Variants in TAF5L observed in about 807,000 individuals in gnomAD.
TAF5L encodes the protein TATA-box binding protein associated factor 5 like, also known as TAF5-like RNA polymerase II p300/CBP-associated factor-associated factor 65 kDa subunit 5L.
A neutral mutation model predicts 51.3 loss-of-function variants in TAF5L; 7 were observed. The observed-to-expected ratio is 0.14, with a 90% CI of 0.08 to 0.26. The LOEUF (loss-of-function observed/expected upper bound fraction) is 0.26, where lower values mean the gene tolerates loss of function less well. Ranked by LOEUF, TAF5L falls within the 10% of genes least tolerant of loss-of-function variation. The pLI is 1.00. For missense variants in TAF5L, 575 were observed against 758.9 expected, an observed-to-expected ratio of 0.76 and a Z score of 2.85; for synonymous variants, 291 against 308.1, an observed-to-expected ratio of 0.94 and a Z score of 0.58.
intron 3 of TAF5L, among the ~76,000 whole-genome samples, chr1:229,605,110 A>ATGTGTATG (rs1553270425): frequency 1.6e-5 from 1 of 62,808 alleles, no homozygotes; most frequent in African/African-American, 4.0e-5. Flanking sequence ...TTTTGTATGT[A>ATGTGTATG]TATATATATA....
At chr1:229,620,301 C>T (rs1317852372) in intron 1 of TAF5L, among the ~76,000 whole-genome samples, 1 of 152,198 alleles carries the variant, frequency 6.6e-6, no homozygotes, top group Non-Finnish European at 1.5e-5. Flanking sequence ...GCTCATGATC[C>T]TCCCAGCTCA....
intron 3 of TAF5L, among the ~76,000 whole-genome samples, chr1:229,604,346 A>G (rs570060898): frequency 2.0e-5 from 3 of 152,176 alleles, no homozygotes; most frequent in Non-Finnish European, 4.4e-5. Context: ...AATATTCATA[A>G]TATGCATTTT....
intron 2 of TAF5L, chr1:229,614,106 T>C: frequency 4.4e-6 from 3 of 677,900 alleles, no homozygotes; most frequent in Non-Finnish European, 7.7e-6. Flanking sequence ...AGGAAGGAAA[T>C]GACTTTAGCC....
intron 2 of TAF5L, among the ~76,000 whole-genome samples, chr1:229,612,467 G>A (rs1664822589): frequency 6.6e-6 from 1 of 152,212 alleles, no homozygotes; most frequent in African/African-American, 2.4e-5. Context: ...CAGAGGCCTT[G>A]TAAATGGACT....
intron 3 of TAF5L, chr1:229,607,028 C>T (rs1159247149): frequency 1.0e-6 from 1 of 985,400 alleles, no homozygotes; most frequent in African/African-American, 1.7e-5. Flanking sequence ...AAGTCTTTAT[C>T]TTTCTCCTAA....
intron 1 of TAF5L, among the ~76,000 whole-genome samples, chr1:229,621,624 C>T (rs1480597648): frequency 6.6e-6 from 1 of 152,102 alleles, no homozygotes; most frequent in Non-Finnish European, 1.5e-5. Flanking sequence ...TAAGCCCAAA[C>T]CTATGACTAC....
At chr1:229,607,505 C>T (rs1317404253) in intron 3 of TAF5L, 3 of 981,786 alleles carry the variant, frequency 3.1e-6, no homozygotes, top group African/African-American at 3.5e-5. Context: ...ACTCCTCTTC[C>T]TCCTCCTCTT....
chr1:229,607,551 T>C, intron 3 of TAF5L: 1 of 911,552 alleles, frequency 1.1e-6, no homozygotes, highest in South Asian at 5.0e-5. Context: ...CTTCAAGTGC[T>C]GACTTAAAGC....
At chr1:229,618,362 C>G (rs1306604687) in intron 1 of TAF5L, among the ~76,000 whole-genome samples, 1 of 152,182 alleles carries the variant, frequency 6.6e-6, no homozygotes, top group African/African-American at 2.4e-5. Context: ...GTCAAATACT[C>G]TGCTCTTCAT....
intron 3 of TAF5L, among the ~76,000 whole-genome samples, chr1:229,603,940 G>A (rs1664486651): frequency 6.6e-6 from 1 of 152,230 alleles, no homozygotes; most frequent in African/African-American, 2.4e-5. Flanking sequence ...GTGCTGTCCA[G>A]ATGCCTGCTT....
At chr1:229,601,326 T>C (rs1449449059) in intron 4 of TAF5L, 1 of 985,274 alleles carries the variant, frequency 1.0e-6, no homozygotes, top group East Asian at 1.1e-4. Flanking sequence ...GTGTAAAGAA[T>C]TTTCCATCCA....
At chr1:229,610,339 C>T in intron 2 of TAF5L, 129 bp from the exon 3 acceptor site, 1 of 794,174 alleles carries the variant, frequency 1.3e-6, no homozygotes, top group Non-Finnish European at 2.1e-6. Context: ...AGCAGGTTTC[C>T]AAAGCATGCT....
At chr1:229,609,237 G>A (rs557658561) in intron 3 of TAF5L, among the ~76,000 whole-genome samples, 29 of 152,270 alleles carry the variant, frequency 1.9e-4, no homozygotes, top group African/African-American at 7.0e-4. Context: ...ACAGTGAGAT[G>A]GCTCTTGTCA....
intron 1 of TAF5L, among the ~76,000 whole-genome samples, chr1:229,617,094 T>A (rs1012648049): frequency 4.6e-5 from 7 of 152,188 alleles, no homozygotes; most frequent in Non-Finnish European, 1.0e-4. Flanking sequence ...GCTGTTTTTT[T>A]AAATTGCTAA....
At chr1:229,613,074 T>C (rs973574774) in intron 2 of TAF5L, among the ~76,000 whole-genome samples, 41 of 151,804 alleles carry the variant, frequency 2.7e-4, no homozygotes, top group Non-Finnish European at 3.5e-4. Context: ...TCCCAGCACT[T>C]TGGGAGGCCA....
In TAF5L at chr1:229,594,334, A is replaced by G; in HGVS notation, c.1733T>C (p.Leu578Pro). The G allele has an allele frequency of 6.2e-7, 1 of 1,610,424 alleles. No homozygotes were observed. The highest frequency in any genetic ancestry group is 8.5e-7 in the Non-Finnish European group (1 of 1,177,364). The change falls in exon 5 of 5, where the codon CTG becomes CCG. Residue 578 changes from leucine (L) to proline (P), a missense_variant. Leu to Pro is a moderately conservative substitution (Grantham distance 98). Coordinates refer to ENST00000258281, the Ensembl canonical transcript of TAF5L. This position sits in a 1 kb window ranked among gnomAD's most constrained non-coding sequence, Gnocchi z 7.9. ...ATTTTCTTGTGTAATTCCAGTCACCAGAAGAAGGTTACAGGCCATGAACTG... is the reference window on the plus strand; with the variant it reads ...ATTTTCTTGTGTAATTCCAGTCACCGGAAGAAGGTTACAGGCCATGAACTG...
At chr1:229,620,954 TTA>T (rs1377971158) in intron 1 of TAF5L, among the ~76,000 whole-genome samples, 1 of 112,012 alleles carries the variant, frequency 8.9e-6, no homozygotes, top group Non-Finnish European at 1.8e-5. Flanking sequence ...ATTAAAACAT[TTA>T]TGTGTGTGTG....
At chr1:229,596,992 A>C (rs1481561210) in intron 4 of TAF5L, among the ~76,000 whole-genome samples, 1 of 152,254 alleles carries the variant, frequency 6.6e-6, no homozygotes. Flanking sequence ...CACAATGGCT[A>C]TTCCAAACAC....
At chr1:229,614,517 C>T (rs1167795058) in intron 1 of TAF5L, 32 bp from the exon 2 acceptor site, 2 of 1,608,896 alleles carry the variant, frequency 1.2e-6, no homozygotes, top group East Asian at 2.2e-5. Flanking sequence ...GATACAGAGA[C>T]ATCAGGGGCC....
Sources: gnomAD v4.1 joint callset for allele counts (sites outside exome capture counted in the v4.1 genomes callset) on GRCh38, gnomAD v4.1.1 for gene constraint, Gnocchi (gnomAD v3.1) non-coding constraint, MANE v1.5 for transcripts, NCBI Gene and HGNC (gene_info 2026-07-23, HGNC 2026-07-21) for gene names.